TRPA1: variants seen among roughly 807,000 people sequenced by gnomAD.
The protein encoded by TRPA1 is ankyrin-like with transmembrane domains 1.
In TRPA1, 129 loss-of-function variants were observed where a neutral mutation model predicts 131.3. That is an observed-to-expected ratio of 0.98 (90% CI 0.85 to 1.14). The LOEUF (loss-of-function observed/expected upper bound fraction) is 1.14, where lower values mean the gene tolerates loss of function less well. Among genes scored for constraint, TRPA1 ranks in the 50% most tolerant of loss-of-function variants. TRPA1 has a pLI of 0.00. For synonymous variants in TRPA1, 441 were observed against 451.7 expected (o/e 0.98, Z 0.30); for missense variants, 1,304 against 1,354.2 (o/e 0.96, Z 0.58).
Position 72,063,530 on chromosome 8 carries a change from T to C in TRPA1, c.594A>G (p.Gly198=), listed in dbSNP as rs1350456943. The change falls in exon 5 of 27, where the codon GGA becomes GGG. Residue 198 remains glycine, a synonymous_variant. Coordinates refer to ENST00000262209, the MANE Select transcript of TRPA1 (RefSeq NM_007332.3). ...ATGCAGCTTGGTGAATAGGGAAACA[T>C]CCCCATTTATTTGATTTACATGGCT... ...GAKPCKSNKW[G]CFPIHQAAFS... 2 of 1,613,778 alleles carry C rather than the reference T, an allele frequency of 1.2e-6. No individual in the cohort carries two copies. Among genetic ancestry groups the C allele is most frequent in the South Asian group, 2.2e-5 (2 of 91,072 alleles).
intron 1 of TRPA1, 70 bp from the exon 2 acceptor site, chr8:72,071,937 C>G (rs1324789531): frequency 7.2e-7 from 1 of 1,391,526 alleles, no homozygotes; most frequent in East Asian, 2.3e-5. Context: ...CATTTTATAG[C>G]CTGAAAGAAC....
intron 5 of TRPA1, 23 bp from the exon 6 acceptor site, chr8:72,062,967 A>G: frequency 6.2e-7 from 1 of 1,604,328 alleles, no homozygotes; most frequent in Non-Finnish European, 8.5e-7. Flanking sequence ...ATAACATTCA[A>G]CATAACAAAT....
chr8:72,083,576 T>C, the TRPA1 span, among the ~76,000 whole-genome samples: 8 of 131,396 alleles, frequency 6.1e-5, no homozygotes, highest in African/African-American at 2.2e-4. Context: ...CTACTAAAAA[T>C]ACAAAAAAAA....
intron 10 of TRPA1, chr8:72,056,115 G>A: frequency 2.0e-6 from 1 of 511,548 alleles, no homozygotes; most frequent in Non-Finnish European, 3.5e-6. Context: ...ATAGGAAAAT[G>A]TACTTAACAT....
rs1241316713 is a variant in TRPA1 at position 72,039,811 on chromosome 8, A to C, written c.2062-14T>G. Reference sequence around the variant, plus strand: ...TTGTACCATTGCCTGAGAAATAAAAAAAAGTGTAATAAAAACACAATCATA... The same window carrying C: ...TTGTACCATTGCCTGAGAAATAAAACAAAGTGTAATAAAAACACAATCATA... On this transcript the variant is annotated splice_polypyrimidine_tract_variant and intron_variant, in intron 17 of 26. Coordinates refer to ENST00000262209, the MANE Select transcript of TRPA1 (RefSeq NM_007332.3). 6.3e-7 allele frequency: 1 copy of C among 1,575,662 alleles called. No homozygotes were observed. The highest frequency in any genetic ancestry group is 1.1e-5 in the South Asian group (1 of 90,230).
chr8:72,059,355 A>G (rs1160541045), intron 8 of TRPA1, 35 bp downstream of exon 8: 4 of 1,309,216 alleles, frequency 3.1e-6, no homozygotes, highest in African/African-American at 1.5e-5. Flanking sequence ...AATTATAAAT[A>G]GTAATAAAAA....
intron 8 of TRPA1, 48 bp from the exon 9 acceptor site, chr8:72,057,864 T>G (rs1203059084): frequency 7.4e-7 from 1 of 1,359,008 alleles, no homozygotes. Flanking sequence ...AACAGATAAA[T>G]CATAATATAT....
chr8:72,081,991 T>C, the TRPA1 span, among the ~76,000 whole-genome samples: 1 of 151,950 alleles, frequency 6.6e-6, no homozygotes, highest in Non-Finnish European at 1.5e-5. Flanking sequence ...AATATGATTA[T>C]TGATATGGAA....
chr8:72,077,296 G>A (rs1448621860), upstream of TRPA1, among the ~76,000 whole-genome samples: 1 of 143,802 alleles, frequency 7.0e-6, no homozygotes, highest in Non-Finnish European at 1.5e-5. Context: ...GGGGTGGGGG[G>A]GGGGGCAGCG....
chr8:72,079,399 A>G (rs552144418), upstream of TRPA1, among the ~76,000 whole-genome samples: 1 of 152,092 alleles, frequency 6.6e-6, no homozygotes, highest in South Asian at 2.1e-4. Context: ...GTTGTGGGGT[A>G]GAGGTCTAAG....
chr8:72,041,060 A>T (rs1369226833), intron 17 of TRPA1: 1 of 152,102 alleles, frequency 6.6e-6, no homozygotes, highest in Non-Finnish European at 1.5e-5. Context: ...AAGTGAAAAG[A>T]AACAGCCATA....
At chr8:72,071,408 C>T (rs534263727) in intron 2 of TRPA1, among the ~76,000 whole-genome samples, 2 of 152,148 alleles carry the variant, frequency 1.3e-5, no homozygotes, top group South Asian at 4.2e-4. Context: ...TGTAAAATAA[C>T]CTCAATGGAA....
intron 17 of TRPA1, chr8:72,041,235 GGA>G (rs1219798543): frequency 6.6e-6 from 1 of 151,912 alleles, no homozygotes; most frequent in Non-Finnish European, 1.5e-5. Context: ...AGAACTGAAG[GGA>G]GAAATAAACA....
At chr8:72,058,736 T>C (rs1805734344) in intron 8 of TRPA1, among the ~76,000 whole-genome samples, 1 of 152,210 alleles carries the variant, frequency 6.6e-6, no homozygotes, top group African/African-American at 2.4e-5. Flanking sequence ...GTAATTATCA[T>C]AATTTCAATA....
rs767706548 is a variant in TRPA1, at chr8:72,022,929, T to C, written c.3337A>G (p.Lys1113Glu). 1 of 1,613,776 alleles carries C rather than the reference T, an allele frequency of 6.2e-7. No homozygotes were observed. The highest frequency in any genetic ancestry group is 1.7e-5 in the Admixed American group (1 of 59,960). ...AGCTAAGGCTCAAGATGGTGTGTTT[T>C]TGCCTTGACTGCTCTCAACACAGTA... ...WNTVLRAVKAKTHHLEP is the reference protein window; with the variant it reads ...WNTVLRAVKAETHHLEP Residue 1113 changes from lysine to glutamate, a missense_variant, in exon 27 of 27, where the codon AAA becomes GAA. Lys to Glu is a moderately conservative substitution (Grantham distance 56, BLOSUM62 1). Coordinates refer to ENST00000262209, the MANE Select transcript of TRPA1 (RefSeq NM_007332.3).
intron 17 of TRPA1, among the ~76,000 whole-genome samples, chr8:72,043,040 A>T (rs1452208554): frequency 1.3e-5 from 2 of 151,908 alleles, no homozygotes; most frequent in Non-Finnish European, 2.9e-5. Flanking sequence ...AAGAGTTAAG[A>T]CAGTAAATTT....
At chr8:72,064,260 A>C (rs1273321570) in intron 4 of TRPA1, among the ~76,000 whole-genome samples, 4 of 97,466 alleles carry the variant, frequency 4.1e-5, no homozygotes, top group Non-Finnish European at 8.0e-5. Flanking sequence ...AATTATATAT[A>C]TATAATATAT....
At position 72,062,907 on chromosome 8, in the gene TRPA1, G is replaced by A. The variant is rs1189751928; in HGVS notation, c.699C>T (p.Asn233=). The part of the protein sequence containing the change: ...EHGYSRQLHI[N]FMNNGKATPL... ...GGGTGGCTTTCCCATTATTCATAAAGTTAATGTGCAACTGTCTACTGTACC... is the reference window on the plus strand; with the variant it reads ...GGGTGGCTTTCCCATTATTCATAAAATTAATGTGCAACTGTCTACTGTACC... The change falls in exon 6 of 27, where the codon AAC becomes AAT. Residue 233 remains asparagine, a synonymous_variant. Coordinates refer to ENST00000262209, the MANE Select transcript of TRPA1 (RefSeq NM_007332.3). 6.2e-7 allele frequency: 1 copy of A among 1,613,932 alleles called. No individual in the cohort carries two copies. The highest frequency in any genetic ancestry group is 1.1e-5 in the South Asian group (1 of 91,070).
Position 72,071,824 on chromosome 8 carries a change from T to G in TRPA1, c.155A>C (p.Lys52Thr). ...GTCACATCTTTTTAATTTCTTTTGCTTATTAAAGTTTTGTAATCCATATGC... is the reference window on the plus strand; with the variant it reads ...GTCACATCTTTTTAATTTCTTTTGCGTATTAAAGTTTTGTAATCCATATGC... ...GSAYGLQNFN[K>T]QKKLKRCDDM... Residue 52 changes from lysine (K) to threonine (T), a missense_variant, in exon 2 of 27, where the codon AAG becomes ACG. By Grantham distance (78) the Lys-to-Thr change is moderately conservative. Coordinates refer to ENST00000262209, the MANE Select transcript of TRPA1 (RefSeq NM_007332.3). 1 of 1,612,700 alleles carries G rather than the reference T, an allele frequency of 6.2e-7. No individual in the cohort carries two copies. Among genetic ancestry groups the G allele is most frequent in the Non-Finnish European group, 8.5e-7 (1 of 1,179,792 alleles).
Sources: allele counts gnomAD v4.1 joint callset (sites outside exome capture counted in the v4.1 genomes callset), GRCh38; gene constraint gnomAD v4.1.1; transcripts MANE v1.5; gene names NCBI Gene and HGNC (gene_info 2026-07-23, HGNC 2026-07-21).